PACRG: variants seen among roughly 807,000 people sequenced by gnomAD.
The protein encoded by PACRG is parkin coregulated gene protein.
PACRG carries 29 observed loss-of-function variants against 29.7 expected under a neutral mutation model. The ratio of observed to expected loss-of-function variants is 0.98; its 90% CI spans 0.73 to 1.33. The LOEUF (loss-of-function observed/expected upper bound fraction) is 1.33, where lower values mean the gene tolerates loss of function less well. PACRG is among the 40% of genes most tolerant of loss of function. The pLI is 0.00. For synonymous variants in PACRG, 116 were observed against 118.7 expected (o/e 0.98, Z 0.15); for missense variants, 279 against 316.2 (o/e 0.88, Z 0.89).
intron 2 of PACRG, among the ~76,000 whole-genome samples, chr6:163,041,660 A>G (rs999651693): frequency 5.3e-5 from 8 of 152,194 alleles, no homozygotes; most frequent in Admixed American, 1.3e-4. Flanking sequence ...CAGTGTAAGA[A>G]TGGACTAATG....
chr6:162,740,716 CA>C (rs1162320491), intron 1 of PACRG, among the ~76,000 whole-genome samples: 1 of 151,902 alleles, frequency 6.6e-6, no homozygotes, highest in Admixed American at 6.6e-5. Context: ...TCTCCTGCCT[CA>C]GCCTCCAAAG....
At position 163,140,890 on chromosome 6, in the gene PACRG, A is replaced by G. The variant is rs77179374; in HGVS notation, c.613+51482A>G. Among the ~76,000 whole-genome samples, 1,509 of 152,340 alleles carry G rather than the reference A, an allele frequency of 9.9e-3. 27 individuals are homozygous for G. Among genetic ancestry groups the G allele is most frequent in the African/African-American group, 0.035 (1,453 of 41,584 alleles). ...CAAATGATAAATTGGGTTAAATAAA[A>G]TAAGAAGCTGCCCAGGGAGGATGGA... is the stretch of plus-strand genomic sequence containing the variant. On this transcript the variant is annotated intron_variant, in intron 4 of 4. Coordinates refer to ENST00000366888, the MANE Select transcript of PACRG (RefSeq NM_001080379.2).
chr6:162,978,429 A>G (rs948222926), intron 2 of PACRG, among the ~76,000 whole-genome samples: 1 of 151,800 alleles, frequency 6.6e-6, no homozygotes, highest in Non-Finnish European at 1.5e-5. Context: ...CTCTGGCTCT[A>G]TCTCTGTCTC....
At chr6:162,737,004 T>TA (rs1780214972) in intron 1 of PACRG, among the ~76,000 whole-genome samples, 4 of 152,222 alleles carry the variant, frequency 2.6e-5, no homozygotes, top group Admixed American at 2.6e-4. Context: ...TATCTTTCTA[T>TA]AAAAAGTTTT....
At chr6:162,899,186 G>C (rs1297952323) in intron 2 of PACRG, among the ~76,000 whole-genome samples, 1 of 152,168 alleles carries the variant, frequency 6.6e-6, no homozygotes, top group Admixed American at 6.5e-5. Flanking sequence ...TCACAGCCCT[G>C]TGTAAATTTT....
chr6:162,732,622 A>G (rs1284026578), intron 1 of PACRG, among the ~76,000 whole-genome samples: 1 of 152,214 alleles, frequency 6.6e-6, no homozygotes, highest in Non-Finnish European at 1.5e-5. Flanking sequence ...TTACAATACA[A>G]ATAAACAGAT....
chr6:162,953,257 G>A (rs1584854672), intron 2 of PACRG, among the ~76,000 whole-genome samples: 1 of 151,976 alleles, frequency 6.6e-6, no homozygotes, highest in East Asian at 1.9e-4. Flanking sequence ...ATATATAAAA[G>A]GTATAGCTTT....
At chr6:162,827,530 A>G (rs1166792436) in intron 2 of PACRG, among the ~76,000 whole-genome samples, 2 of 152,212 alleles carry the variant, frequency 1.3e-5, no homozygotes, top group South Asian at 2.1e-4. Flanking sequence ...GAGCTCCACG[A>G]CCAAATGAAT....
chr6:162,787,584 A>G (rs4112191), intron 1 of PACRG, among the ~76,000 whole-genome samples: 2,731 of 16,882 alleles, frequency 0.16, 25 homozygotes, highest in South Asian at 0.27. Context: ...GTGTGTGTGT[A>G]TATATATATA....
At chr6:162,756,494 A>T (rs533621802) in intron 1 of PACRG, among the ~76,000 whole-genome samples, 1 of 152,086 alleles carries the variant, frequency 6.6e-6, no homozygotes, top group Non-Finnish European at 1.5e-5. Flanking sequence ...TTTGCATGAA[A>T]TATCTTTTTC....
At chr6:162,956,590 C>A (rs180824541) in intron 2 of PACRG, among the ~76,000 whole-genome samples, 1 of 152,140 alleles carries the variant, frequency 6.6e-6, no homozygotes, top group Admixed American at 6.5e-5. Context: ...CTGAACTCTG[C>A]GGGGCAGAAT....
intron 2 of PACRG, among the ~76,000 whole-genome samples, chr6:163,002,412 T>C (rs557873283): frequency 6.6e-6 from 1 of 152,270 alleles, no homozygotes; most frequent in South Asian, 2.1e-4. Context: ...CTTCTAATGC[T>C]ATATATACAA....
chr6:162,824,539 T>C (rs1380543533), intron 2 of PACRG, among the ~76,000 whole-genome samples: 1 of 152,196 alleles, frequency 6.6e-6, no homozygotes, highest in Admixed American at 6.5e-5. Flanking sequence ...TGTATCTTCA[T>C]AGATAATTTT....
intron 4 of PACRG, chr6:163,313,043 A>G (rs2128194608): frequency 5.2e-6 from 1 of 194,042 alleles, no homozygotes; most frequent in South Asian, 7.6e-5. Context: ...GGCATGAGTC[A>G]CTGTATCCAG....
chr6:163,075,665 T>C (rs1026035513), intron 3 of PACRG, among the ~76,000 whole-genome samples: 2 of 152,168 alleles, frequency 1.3e-5, no homozygotes, highest in Non-Finnish European at 2.9e-5. Context: ...TAATAAATGG[T>C]GAAAAAGCAT....
chr6:163,045,983 G>A (rs1809323433), intron 2 of PACRG, among the ~76,000 whole-genome samples: 1 of 152,068 alleles, frequency 6.6e-6, no homozygotes, highest in Non-Finnish European at 1.5e-5. Context: ...CTGCACTTCA[G>A]ACTATACTTA....
At chr6:162,786,799 T>G (rs1440268904) in intron 1 of PACRG, among the ~76,000 whole-genome samples, 1 of 152,092 alleles carries the variant, frequency 6.6e-6, no homozygotes, top group East Asian at 1.9e-4. Context: ...TTTTGAAGGT[T>G]GTTATTGTGA....
intron 4 of PACRG, among the ~76,000 whole-genome samples, chr6:163,117,729 T>G (rs1240439466): frequency 4.9e-5 from 7 of 143,160 alleles, no homozygotes; most frequent in Admixed American, 1.4e-4. Flanking sequence ...CCAGACTGGG[T>G]GACAAGAACG....
intron 4 of PACRG, among the ~76,000 whole-genome samples, chr6:163,223,793 A>G (rs1220351759): frequency 6.6e-6 from 1 of 152,204 alleles, no homozygotes; most frequent in African/African-American, 2.4e-5. Context: ...GTCCACAAAC[A>G]GGCAGAATGG....
Sources: allele counts gnomAD v4.1 joint callset (sites outside exome capture counted in the v4.1 genomes callset), GRCh38; gene constraint gnomAD v4.1.1; transcripts MANE v1.5; gene names NCBI Gene and HGNC (gene_info 2026-07-23, HGNC 2026-07-21).